The following NUP54 variants were observed in gnomAD, a reference collection of about 807,000 sequenced individuals.
NUP54 encodes nucleoporin p54.
A neutral mutation model predicts 66.4 loss-of-function variants in NUP54; 27 were observed. The ratio of observed to expected loss-of-function variants is 0.41; its 90% CI spans 0.30 to 0.56. NUP54 has a LOEUF of 0.56. Ranked by LOEUF, NUP54 falls within the 20% of genes least tolerant of loss-of-function variation. The pLI, the probability that NUP54 is intolerant of heterozygous loss-of-function variation, is 0.34. For missense variants in NUP54, 486 were observed against 596.3 expected (o/e 0.82, Z 1.93); for synonymous variants, 206 against 210.7 (o/e 0.98, Z 0.19).
chr4:76,142,336 C>A (rs950972873), intron 3 of NUP54, among the ~76,000 whole-genome samples: 1 of 152,192 alleles, frequency 6.6e-6, no homozygotes, highest in Non-Finnish European at 1.5e-5. Context: ...CTTCATCCTA[C>A]TGTTAGGCAA....
chr4:76,135,243 C>A (rs1730988635), intron 4 of NUP54, among the ~76,000 whole-genome samples: 1 of 151,860 alleles, frequency 6.6e-6, no homozygotes, highest in South Asian at 2.1e-4. Context: ...TTAATATGAC[C>A]AATTATACTT....
At chr4:76,133,633 T>TG (rs564699646) in intron 5 of NUP54, among the ~76,000 whole-genome samples, 452 of 152,314 alleles carry the variant, frequency 3.0e-3, no homozygotes, top group Non-Finnish European at 3.8e-3. Context: ...TAAAAGGGTT[T>TG]GCTTAGTTGC....
intron 9 of NUP54, among the ~76,000 whole-genome samples, chr4:76,121,247 A>G (rs919414392): frequency 6.6e-6 from 1 of 152,204 alleles, no homozygotes; most frequent in Admixed American, 6.5e-5. Context: ...TTAAATTTTC[A>G]GCACACTTGC....
At chr4:76,125,276 T>C (rs1397806197) in intron 8 of NUP54, among the ~76,000 whole-genome samples, 2 of 114,184 alleles carry the variant, frequency 1.8e-5, no homozygotes, top group Non-Finnish European at 4.0e-5. Flanking sequence ...TGAAACTCCA[T>C]CTCACAGAAA....
At chr4:76,128,713 T>TAC (rs1423935009) in intron 8 of NUP54, among the ~76,000 whole-genome samples, 1 of 152,228 alleles carries the variant, frequency 6.6e-6, no homozygotes, top group Non-Finnish European at 1.5e-5. Context: ...TGTGTATGTG[T>TAC]ACACATATAT....
chr4:76,125,623 A>G (rs78294759), intron 8 of NUP54, among the ~76,000 whole-genome samples: 6,826 of 55,268 alleles, frequency 0.12, 241 homozygotes, highest in East Asian at 0.36. Flanking sequence ...CAAGAGGGAG[A>G]GGGAGAGGGG....
In NUP54 at chr4:76,144,072, A is replaced by C. The variant is rs151246677; in HGVS notation, c.295+77T>G. 5.0e-4 allele frequency: 699 copies of C among 1,395,576 alleles called. 1 individual carries two copies. Among genetic ancestry groups the C allele is most frequent in the Non-Finnish European group, 6.5e-4 (653 of 997,758 alleles). 86.4% of individuals were successfully genotyped at this position (1,395,576 alleles called of 1,614,324 possible). On this transcript the variant is annotated intron_variant, in intron 3 of 11. Transcript: ENST00000264883. Reference sequence around the variant, plus strand: ...ATAATTCTTATAAAAAGTCCACTAAAGTATTCTGAATGCACTCAATAATGT... The same window carrying C: ...ATAATTCTTATAAAAAGTCCACTAACGTATTCTGAATGCACTCAATAATGT...
In NUP54 at chr4:76,134,357, T is replaced by C; in HGVS notation, c.528A>G (p.Val176=). Residue 176 remains valine (V), a synonymous_variant, in exon 5 of 12, where the codon GTA becomes GTG. Coordinates refer to ENST00000264883, the MANE Select transcript of NUP54 (RefSeq NM_017426.4). ...QENPFCRFKA[V]GYSCMPSNKD... is the part of the protein sequence containing the mutation. Reference sequence around the variant, plus strand: ...TATTACTGGGCATGCAACTATAACCTACTGCCTGTGGAATGACAAAATAAA... The same window carrying C: ...TATTACTGGGCATGCAACTATAACCCACTGCCTGTGGAATGACAAAATAAA... 2.5e-6 allele frequency: 4 copies of C among 1,610,936 alleles called. No individual in the cohort carries two copies. The highest frequency in any genetic ancestry group is 1.7e-4 in the Middle Eastern group (1 of 6,046).
intron 4 of NUP54, among the ~76,000 whole-genome samples, chr4:76,134,620 T>C (rs1378214939): frequency 6.6e-6 from 1 of 152,082 alleles, no homozygotes; most frequent in Non-Finnish European, 1.5e-5. Flanking sequence ...AACAGCTTTC[T>C]CCCCTAAAAA....
intron 9 of NUP54, 66 bp downstream of exon 9, chr4:76,124,583 A>G (rs1730375826): frequency 5.1e-6 from 3 of 590,410 alleles, no homozygotes; most frequent in South Asian, 2.7e-5. Context: ...TTAAAAATCT[A>G]TATTTAGTAC....
chr4:76,143,465 G>A (rs1731352007), intron 3 of NUP54, among the ~76,000 whole-genome samples: 1 of 152,132 alleles, frequency 6.6e-6, no homozygotes, highest in African/African-American at 2.4e-5. Context: ...TTAGCTGGGC[G>A]TGGTGGTGTG....
rs148468361 is a variant in NUP54 at position 76,127,750 on chromosome 4, G to A, written c.1056+2906C>T. 1.8e-3 allele frequency among the ~76,000 whole-genome samples: 274 copies of A among 152,152 alleles called. 1 individual carries two copies. Among genetic ancestry groups the A allele is most frequent in the African/African-American group, 6.2e-3 (258 of 41,508 alleles). The stretch of plus-strand genomic sequence containing the variant: ...TGAGAAACTAGAAGATATTTACAAC[G>A]TTATAAACAGAGACTACAATCTAGA... On this transcript the variant is annotated intron_variant, in intron 8 of 11. Transcript: ENST00000264883.
At chr4:76,117,855 C>T (rs1356171886) in intron 10 of NUP54, 81 bp from the exon 11 acceptor site, 7 of 1,208,556 alleles carry the variant, frequency 5.8e-6, no homozygotes, top group African/African-American at 3.0e-5. Context: ...AGGATGGTTT[C>T]AAAACCATCT....
At chr4:76,143,274 A>G (rs1731342233) in intron 3 of NUP54, among the ~76,000 whole-genome samples, 1 of 152,214 alleles carries the variant, frequency 6.6e-6, no homozygotes, top group Non-Finnish European at 1.5e-5. Flanking sequence ...AAAAAACTCT[A>G]TAGGATAAAT....
In NUP54 at chr4:76,115,461, A is replaced by C; in HGVS notation, c.1429T>G (p.Leu477Val). 1 of 1,611,050 alleles carries C rather than the reference A, an allele frequency of 6.2e-7. No homozygotes were observed. The highest frequency in any genetic ancestry group is 8.5e-7 in the Non-Finnish European group (1 of 1,178,700). ...AGATCGTCTTTAATGATGCTAATCA[A>C]ATGGCTAAGGCCTTCCTGTTGTTGT... ...LKQQQEGLSH[L>V]ISIIKDDLED... Residue 477 changes from leucine (L) to valine (V), a missense_variant, in exon 12 of 12, where the codon TTG becomes GTG. This residue lies in a region of NUP54 where 83 missense variants were observed against 128.6 expected (regional missense o/e 0.65). Coordinates refer to ENST00000264883, the MANE Select transcript of NUP54 (RefSeq NM_017426.4).
At chr4:76,145,587 A>G (rs1245862734) in intron 1 of NUP54, 1 of 1,272,422 alleles carries the variant, frequency 7.9e-7, no homozygotes, top group South Asian at 1.3e-5. Flanking sequence ...TCTTGAAGGA[A>G]GAGATTTGAC....
At chr4:76,121,239 A>C (rs370521928) in intron 9 of NUP54, among the ~76,000 whole-genome samples, 3 of 152,326 alleles carry the variant, frequency 2.0e-5, no homozygotes, top group African/African-American at 7.2e-5. Flanking sequence ...CTCATATATT[A>C]AATTTTCAGC....
chr4:76,131,836 ATTG>A (rs1388730311), intron 6 of NUP54, among the ~76,000 whole-genome samples: 1 of 152,092 alleles, frequency 6.6e-6, no homozygotes, highest in Non-Finnish European at 1.5e-5. Context: ...TTACAAGGAT[ATTG>A]TTAATTACTG....
At chr4:76,147,751 C>A in intron 1 of NUP54, 1 of 831,552 alleles carries the variant, frequency 1.2e-6, no homozygotes, top group Non-Finnish European at 1.6e-6. Context: ...CAGAAGTGAA[C>A]AAACCTGGTT....
Sources: allele counts gnomAD v4.1 joint callset (sites outside exome capture counted in the v4.1 genomes callset), GRCh38; gene constraint gnomAD v4.1.1; regional missense constraint gnomAD v4.1.1; transcripts MANE v1.5; gene names NCBI Gene and HGNC (gene_info 2026-07-23, HGNC 2026-07-21).